OSBPL6: variants seen among roughly 807,000 people sequenced by gnomAD.
The protein encoded by OSBPL6 is oxysterol-binding protein-related protein 6.
OSBPL6 carries 49 observed loss-of-function variants against 125.8 expected under a neutral mutation model. That is an observed-to-expected ratio of 0.39 (90% CI 0.31 to 0.49). The LOEUF (loss-of-function observed/expected upper bound fraction) is 0.49, where lower values mean the gene tolerates loss of function less well. OSBPL6 is among the 20% of genes least tolerant of loss of function. The probability of loss-of-function intolerance (pLI) is 0.88; values close to 1 mark genes in which losing one functional copy is unlikely to be tolerated. For synonymous variants in OSBPL6, 394 were observed against 391.8 expected, an observed-to-expected ratio of 1.01 and a Z score of -0.07; for missense variants, 986 against 1,135.4, an observed-to-expected ratio of 0.87 and a Z score of 1.89.
chr2:178,282,002 C>G (rs1460179755), intron 1 of OSBPL6, among the ~76,000 whole-genome samples: 1 of 152,142 alleles, frequency 6.6e-6, no homozygotes, highest in Non-Finnish European at 1.5e-5. Context: ...TCCCTGCTTC[C>G]CGGAGTACAC....
At chr2:178,226,738 G>A (rs184966103) in intron 1 of OSBPL6, among the ~76,000 whole-genome samples, 109 of 152,228 alleles carry the variant, frequency 7.2e-4, no homozygotes, top group African/African-American at 1.9e-3. Flanking sequence ...GGTCTTAAAT[G>A]TTAGAAGGAA....
intron 18 of OSBPL6, among the ~76,000 whole-genome samples, chr2:178,384,752 G>A (rs990483333): frequency 3.3e-5 from 5 of 152,122 alleles, no homozygotes; most frequent in African/African-American, 1.2e-4. Context: ...TCCCATACCT[G>A]TGAAGATAAG....
intron 11 of OSBPL6, among the ~76,000 whole-genome samples, chr2:178,342,840 C>T (rs1690334656): frequency 6.6e-6 from 1 of 152,148 alleles, no homozygotes; most frequent in Non-Finnish European, 1.5e-5. Flanking sequence ...GTAGAAAGTA[C>T]ATAGTAGCAG....
chr2:178,337,964 C>A (rs112924748), intron 9 of OSBPL6, among the ~76,000 whole-genome samples: 3 of 91,764 alleles, frequency 3.3e-5, no homozygotes, highest in Non-Finnish European at 7.4e-5. Context: ...TTTTTTGAGA[C>A]GGAGTCTTGC....
intron 1 of OSBPL6, among the ~76,000 whole-genome samples, chr2:178,208,054 G>T (rs2153949214): frequency 6.6e-6 from 1 of 152,248 alleles, no homozygotes; most frequent in South Asian, 2.1e-4. Flanking sequence ...GGAGGTCAAG[G>T]TGGGCGGATC....
intron 12 of OSBPL6, 132 bp from the exon 13 acceptor site, chr2:178,361,550 T>C: frequency 9.7e-7 from 1 of 1,035,732 alleles, no homozygotes; most frequent in Non-Finnish European, 1.4e-6. Flanking sequence ...TGAAGGCTGA[T>C]TTTTAATTAG....
chr2:178,308,876 C>T (rs1021884923), intron 3 of OSBPL6, among the ~76,000 whole-genome samples: 1 of 152,192 alleles, frequency 6.6e-6, no homozygotes, highest in Non-Finnish European at 1.5e-5. Flanking sequence ...CACTATCTCA[C>T]TTATGGCCTC....
chr2:178,304,299 C>T (rs1180287062), intron 2 of OSBPL6, among the ~76,000 whole-genome samples: 3 of 152,160 alleles, frequency 2.0e-5, no homozygotes, highest in Non-Finnish European at 4.4e-5. Context: ...GTTTAATTGA[C>T]TCACGGTTCT....
At chr2:178,357,277 A>C (rs1485363244) in intron 12 of OSBPL6, among the ~76,000 whole-genome samples, 3 of 152,240 alleles carry the variant, frequency 2.0e-5, no homozygotes, top group African/African-American at 7.2e-5. Flanking sequence ...ACAGCGAAAG[A>C]AACTACCATC....
intron 12 of OSBPL6, 60 bp from the exon 13 acceptor site, chr2:178,361,622 A>C: frequency 2.5e-6 from 4 of 1,575,188 alleles, no homozygotes; most frequent in Non-Finnish European, 3.5e-6. Context: ...GAAATTTATA[A>C]TGTTGTGTAT....
rs1200357977 is a variant in OSBPL6, at chr2:178,379,327, AAAGG to A, written c.1534-3088_1534-3085del. Among the ~76,000 whole-genome samples the A allele has an allele frequency of 1.8e-4, 17 of 92,530 alleles. No individual in the cohort carries two copies. In the South Asian group the frequency reaches 3.6e-3, roughly 20 times the overall value. The allele number at this position is 92,530 out of a possible 152,430, so 60.7% of individuals were successfully genotyped here. A position where few individuals can be genotyped will look rare whatever the true frequency, so the allele number is the denominator to read the frequency against. ...AGAAAGAAACAGGAAGGAAGGAAGG[AAAGG>A]AAGGGAGGGAGGGAGGGAGGGAGGG... is the stretch of plus-strand genomic sequence containing the variant. On this transcript the variant is annotated intron_variant, in intron 15 of 24. Transcript: ENST00000190611.
At chr2:178,310,156 T>A (rs1687135065) in intron 3 of OSBPL6, among the ~76,000 whole-genome samples, 1 of 152,230 alleles carries the variant, frequency 6.6e-6, no homozygotes, top group Admixed American at 6.5e-5. Flanking sequence ...AGATTTCTGA[T>A]GACAACAGTA....
intron 2 of OSBPL6, among the ~76,000 whole-genome samples, chr2:178,298,493 A>T (rs763302973): frequency 1.4e-4 from 21 of 152,104 alleles, no homozygotes; most frequent in Admixed American, 2.0e-4. Flanking sequence ...GCACGAGCTC[A>T]GCTCGCTGCA....
intron 23 of OSBPL6, among the ~76,000 whole-genome samples, chr2:178,392,852 C>A (rs1340789510): frequency 6.7e-6 from 1 of 148,202 alleles, no homozygotes; most frequent in African/African-American, 2.5e-5. Context: ...CAGAGAGAGA[C>A]CCTGGCAAAA....
At chr2:178,227,556 G>A (rs916522736) in intron 1 of OSBPL6, among the ~76,000 whole-genome samples, 3 of 152,084 alleles carry the variant, frequency 2.0e-5, no homozygotes, top group Non-Finnish European at 4.4e-5. Flanking sequence ...AAAGGTCTAC[G>A]GACAAAAGAG....
intron 1 of OSBPL6, among the ~76,000 whole-genome samples, chr2:178,221,924 A>G (rs942875995): frequency 2.0e-5 from 3 of 152,136 alleles, no homozygotes; most frequent in African/African-American, 7.2e-5. Context: ...CACTGGAGTA[A>G]ATCACCAAGG....
intron 1 of OSBPL6, among the ~76,000 whole-genome samples, chr2:178,241,867 T>C (rs2091307692): frequency 6.6e-6 from 1 of 152,244 alleles, no homozygotes; most frequent in African/African-American, 2.4e-5. Context: ...GATTATCATA[T>C]AGTATTTTTA....
At chr2:178,378,094 G>A (rs1303958324) in intron 15 of OSBPL6, among the ~76,000 whole-genome samples, 1 of 152,156 alleles carries the variant, frequency 6.6e-6, no homozygotes, top group African/African-American at 2.4e-5. Flanking sequence ...CTCCCAAAGT[G>A]CTGGGACTAC....
chr2:178,268,538 T>TCAGTC (rs1353279577), intron 1 of OSBPL6, among the ~76,000 whole-genome samples: 1 of 152,196 alleles, frequency 6.6e-6, no homozygotes, highest in East Asian at 1.9e-4. Flanking sequence ...CATGACTTCT[T>TCAGTC]CAGTCCATAC....
Sources: gnomAD v4.1 joint callset for allele counts (sites outside exome capture counted in the v4.1 genomes callset) on GRCh38, gnomAD v4.1.1 for gene constraint, MANE v1.5 for transcripts, NCBI Gene and HGNC (gene_info 2026-07-23, HGNC 2026-07-21) for gene names.